SMARCAL1: variants seen among roughly 807,000 people sequenced by gnomAD.
SMARCAL1 encodes SNF2 related chromatin remodeling annealing helicase 1.
A neutral mutation model predicts 94.5 loss-of-function variants in SMARCAL1; 58 were observed. The observed-to-expected ratio is 0.61, with a 90% CI of 0.50 to 0.76. The LOEUF is 0.76. Ranked by LOEUF, SMARCAL1 falls within the 30% of genes least tolerant of loss-of-function variation. The pLI, the probability that SMARCAL1 is intolerant of heterozygous loss-of-function variation, is 0.00. For missense variants in SMARCAL1, 1,051 were observed against 1,177.9 expected, an observed-to-expected ratio of 0.89 and a Z score of 1.58; for synonymous variants, 422 against 455.1, an observed-to-expected ratio of 0.93 and a Z score of 0.93.
intron 14 of SMARCAL1, among the ~76,000 whole-genome samples, chr2:216,471,000 G>T (rs1431960662): frequency 6.6e-6 from 1 of 152,114 alleles, no homozygotes; most frequent in Non-Finnish European, 1.5e-5. Flanking sequence ...CAGAGAGATG[G>T]CCAGATGGTG....
At chr2:216,464,230 C>A (rs533207977) in intron 12 of SMARCAL1, among the ~76,000 whole-genome samples, 7 of 152,234 alleles carry the variant, frequency 4.6e-5, no homozygotes, top group Admixed American at 4.6e-4. Context: ...TGTCACCAGG[C>A]TGTAGTAAAT....
At chr2:216,455,045 G>A (rs553394237) in intron 12 of SMARCAL1, among the ~76,000 whole-genome samples, 1 of 152,242 alleles carries the variant, frequency 6.6e-6, no homozygotes, top group African/African-American at 2.4e-5. Flanking sequence ...TGCACACCAG[G>A]AGATTGTATC....
At position 216,415,381 on chromosome 2, in the gene SMARCAL1, C is replaced by T. The variant is rs1693572522; in HGVS notation, c.677C>T (p.Ser226Leu). ...ACAGAAGGAAGACTCCAGCAGAAGTCAGGGTCCTCAGTCCAAAAAGGAGTG... is the reference window on the plus strand; with the variant it reads ...ACAGAAGGAAGACTCCAGCAGAAGTTAGGGTCCTCAGTCCAAAAAGGAGTG... Reference protein sequence around the residue: ...PRTEGRLQQKSGSSVQKGVNS... With the variant: ...PRTEGRLQQKLGSSVQKGVNS... The change falls in exon 3 of 18, where the codon TCA (serine) becomes TTA (leucine). Residue 226 changes from serine to leucine, a missense_variant. Around this residue, in one of 3 missense-constraint regions of SMARCAL1, gnomAD observed 398 missense variants for 395.2 expected, o/e 1.01. Coordinates refer to ENST00000357276, the MANE Select transcript of SMARCAL1 (RefSeq NM_014140.4). 4.3e-6 allele frequency: 7 copies of T among 1,614,222 alleles called. No homozygotes were observed. The highest frequency in any genetic ancestry group is 5.9e-6 in the Non-Finnish European group (7 of 1,180,040).
chr2:216,415,401 G>T lies in SMARCAL1; in HGVS notation c.697G>T (p.Gly233Ter). 3 of 1,614,236 alleles carry T rather than the reference G, an allele frequency of 1.9e-6. No homozygotes were observed. Among genetic ancestry groups the T allele is most frequent in the Non-Finnish European group, 2.5e-6 (3 of 1,180,044 alleles). ...QQKSGSSVQK[G>*]VNSQKGKCVR... ...GAAGTCAGGGTCCTCAGTCCAAAAA[G>T]GAGTGAACTCTCAGAAGGGAAAGTG... The change falls in exon 3 of 18, where the codon GGA becomes TGA. Residue 233 changes from glycine (G) to a stop codon, truncating the protein, a stop_gained. Transcript: ENST00000357276. LOFTEE classifies it high-confidence loss of function.
chr2:216,450,932 C>G lies in SMARCAL1; in HGVS notation c.1938C>G (p.Leu646=), dbSNP rs1374217686. 1.2e-6 allele frequency: 2 copies of G among 1,614,078 alleles called. No homozygotes were observed. Among genetic ancestry groups the G allele is most frequent in the Non-Finnish European group, 8.5e-7 (1 of 1,180,030 alleles). The part of the protein sequence containing the change: ...LLEEAVMLRR[L]KSDVLSQLPA... ...AGGAAGCAGTCATGCTGCGGCGCCT[C>G]AAGTCCGACGTCCTTTCCCAGCTGC... is the stretch of plus-strand genomic sequence containing the variant. The change falls in exon 12 of 18, where the codon CTC becomes CTG. Residue 646 remains leucine, a synonymous_variant. Transcript: ENST00000357276.
chr2:216,460,262 G>A (rs1019374035), intron 12 of SMARCAL1, among the ~76,000 whole-genome samples: 1 of 152,320 alleles, frequency 6.6e-6, no homozygotes, highest in East Asian at 1.9e-4. Context: ...TTCAACCACT[G>A]TGGAAGTCAG....
At chr2:216,416,193 C>T (rs1034494932) in intron 3 of SMARCAL1, 64 bp from the exon 4 acceptor site, 42 of 1,390,816 alleles carry the variant, frequency 3.0e-5, no homozygotes, top group Non-Finnish European at 4.2e-5. Context: ...ATTTAGAAGA[C>T]AAGCTTGTGT....
intron 6 of SMARCAL1, 72 bp from the exon 7 acceptor site, chr2:216,428,524 C>A: frequency 6.9e-7 from 1 of 1,449,326 alleles, no homozygotes; most frequent in South Asian, 1.1e-5. Context: ...TATATATATC[C>A]CAAAGCTCCT....
intron 9 of SMARCAL1, 22 bp from the exon 10 acceptor site, chr2:216,438,398 T>C: frequency 6.2e-7 from 1 of 1,609,908 alleles, no homozygotes; most frequent in Non-Finnish European, 8.5e-7. Flanking sequence ...TCTTGTACAC[T>C]TATGTGGCTA....
At chr2:216,472,621 A>G (rs944624218) in intron 14 of SMARCAL1, among the ~76,000 whole-genome samples, 3 of 151,552 alleles carry the variant, frequency 2.0e-5, no homozygotes, top group African/African-American at 4.8e-5. Flanking sequence ...ACATACAAAT[A>G]ATGGTTTTTA....
chr2:216,464,585 A>G lies in SMARCAL1; in HGVS notation c.2071-12A>G, dbSNP rs1462058051. On this transcript the variant is annotated splice_polypyrimidine_tract_variant and intron_variant, in intron 12 of 17. Coordinates refer to ENST00000357276, the MANE Select transcript of SMARCAL1 (RefSeq NM_014140.4). ...CTGGGGCACTTAACATTCTTAACTT[A>G]TCTTTCAACAGAAACAGCAGCAGAA... 34 of 1,606,352 alleles carry G rather than the reference A, an allele frequency of 2.1e-5. No homozygotes were observed. The Admixed American group carries it at 5.5e-4, about 26-fold the overall frequency.
chr2:216,412,580 G>C lies in SMARCAL1; in HGVS notation c.-164G>C, dbSNP rs767342189. 6.6e-6 allele frequency: 1 copy of C among 152,422 alleles called. No homozygotes were observed. The highest frequency in any genetic ancestry group is 2.4e-5 in the African/African-American group (1 of 41,460). 9.4% of individuals were successfully genotyped at this position (152,422 alleles called of 1,614,324 possible). ...CCACTCGGAAGACCGGTCCCGCTCGGGAGGCTCTGCAGTCGCGCCTGGGGT... is the reference window on the plus strand; with the variant it reads ...CCACTCGGAAGACCGGTCCCGCTCGCGAGGCTCTGCAGTCGCGCCTGGGGT... On this transcript the variant is annotated 5_prime_UTR_variant, in exon 1 of 18. Transcript: ENST00000357276.
Position 216,414,818 on chromosome 2 carries a change from G to A in SMARCAL1, c.114G>A (p.Ser38=), listed in dbSNP as rs374642503. 3 of 1,614,148 alleles carry A rather than the reference G, an allele frequency of 1.9e-6. No homozygotes were observed. Among genetic ancestry groups the A allele is most frequent in the Non-Finnish European group, 1.7e-6 (2 of 1,180,028 alleles). ...LLAEQHQRTS[S]GTSIAGNPFQ... ...CAGAACAGCATCAGAGGACTAGCTC[G>A]GGCACCTCCATTGCTGGCAACCCAT... is the stretch of plus-strand genomic sequence containing the variant. The change falls in exon 3 of 18, where the codon TCG becomes TCA. Residue 38 remains serine, a synonymous_variant. Coordinates refer to ENST00000357276, the MANE Select transcript of SMARCAL1 (RefSeq NM_014140.4).
chr2:216,457,604 A>G (rs1694599270), intron 12 of SMARCAL1, among the ~76,000 whole-genome samples: 1 of 152,250 alleles, frequency 6.6e-6, no homozygotes, highest in Non-Finnish European at 1.5e-5. Context: ...ACATAACGAA[A>G]TGAAGGCAGA....
At chr2:216,461,055 G>GGTGTGTGTGTGTGT (rs71054476) in intron 12 of SMARCAL1, among the ~76,000 whole-genome samples, 7 of 146,240 alleles carry the variant, frequency 4.8e-5, no homozygotes, top group African/African-American at 7.5e-5. Context: ...ACTAGAAAGA[G>GGTGTGTGTGTGTGT]GTGTGTGTGT....
Position 216,475,239 on chromosome 2 carries a change from C to G in SMARCAL1, c.2245-30C>G. 6.2e-7 allele frequency: 1 copy of G among 1,613,226 alleles called. No homozygotes were observed. The highest frequency in any genetic ancestry group is 8.5e-7 in the Non-Finnish European group (1 of 1,179,754). ...GCTGAGAAGCCCCCGGGGCTGTTGC[C>G]CACCTTGCTTCTGCCCCTTGTTCCT... On this transcript the variant is annotated intron_variant, in intron 14 of 17. Coordinates refer to ENST00000357276, the MANE Select transcript of SMARCAL1 (RefSeq NM_014140.4). The surrounding 1 kb of genome is among the most constrained non-coding windows in gnomAD (Gnocchi z 4.4).
chr2:216,451,316 GCAACAGCAGGGTGGTGAT>G (rs1419311374), intron 12 of SMARCAL1: 1 of 499,432 alleles, frequency 2.0e-6, no homozygotes, highest in Non-Finnish European at 3.7e-6. Context: ...ATAAGCACAG[GCAACAGCAGGGTGGTGAT>G]CAATATTCCG....
At chr2:216,447,373 T>G (rs933683406) in intron 11 of SMARCAL1, among the ~76,000 whole-genome samples, 1 of 152,132 alleles carries the variant, frequency 6.6e-6, no homozygotes, top group African/African-American at 2.4e-5. Flanking sequence ...TTAATGGTTA[T>G]GGTTATCCGA....
chr2:216,424,925 T>C (rs1466079352), intron 6 of SMARCAL1, among the ~76,000 whole-genome samples: 5 of 151,822 alleles, frequency 3.3e-5, no homozygotes, highest in Admixed American at 1.3e-4. Flanking sequence ...AAATCTGAAT[T>C]TTTTTTTCTT....
Sources: gnomAD v4.1 joint callset for allele counts (sites outside exome capture counted in the v4.1 genomes callset) on GRCh38, gnomAD v4.1.1 for gene constraint, gnomAD v4.1.1 regional missense constraint, Gnocchi (gnomAD v3.1) non-coding constraint, MANE v1.5 for transcripts, NCBI Gene and HGNC (gene_info 2026-07-23, HGNC 2026-07-21) for gene names.